Variants in SORCS1 observed in about 807,000 individuals in gnomAD.
SORCS1 encodes the protein VPS10 domain-containing receptor SorCS1.
SORCS1 carries 60 observed loss-of-function variants against 146.1 expected under a neutral mutation model. The observed-to-expected ratio is 0.41, with a 90% CI of 0.33 to 0.51. The LOEUF is 0.51. Among genes scored for constraint, SORCS1 ranks in the 20% least tolerant of loss-of-function variants. SORCS1 has a pLI of 0.21. For missense variants in SORCS1, 1,352 were observed against 1,487.6 expected, an observed-to-expected ratio of 0.91 and a Z score of 1.50; for synonymous variants, 637 against 584.0, an observed-to-expected ratio of 1.09 and a Z score of -1.31.
intron 1 of SORCS1, among the ~76,000 whole-genome samples, chr10:107,066,708 T>A (rs1308365220): frequency 6.6e-6 from 1 of 152,136 alleles, no homozygotes; most frequent in Non-Finnish European, 1.5e-5. Context: ...ATCCTTTTAG[T>A]AAAAACTCAA....
intron 18 of SORCS1, among the ~76,000 whole-genome samples, chr10:106,631,683 G>A (rs1434324167): frequency 6.6e-6 from 1 of 152,202 alleles, no homozygotes; most frequent in East Asian, 1.9e-4. Context: ...CTAAAGGACA[G>A]AGGGGAGATT....
At chr10:107,144,651 C>T (rs890622703) in intron 1 of SORCS1, among the ~76,000 whole-genome samples, 22 of 152,264 alleles carry the variant, frequency 1.4e-4, no homozygotes, top group Admixed American at 5.2e-4. Context: ...ATATTGGGCA[C>T]TCCGTAGTGA....
At chr10:106,690,119 A>T (rs1263873760) in intron 9 of SORCS1, among the ~76,000 whole-genome samples, 1 of 152,182 alleles carries the variant, frequency 6.6e-6, no homozygotes, top group Non-Finnish European at 1.5e-5. Context: ...CTACCTCACA[A>T]CAGCAGTGTG....
chr10:107,032,110 G>A (rs1958681936), intron 1 of SORCS1, among the ~76,000 whole-genome samples: 2 of 152,154 alleles, frequency 1.3e-5, no homozygotes, highest in Admixed American at 6.5e-5. Context: ...GTGGGACTAA[G>A]ACTCTGAAGG....
At chr10:106,639,847 G>A (rs548577062) in intron 18 of SORCS1, among the ~76,000 whole-genome samples, 4 of 152,100 alleles carry the variant, frequency 2.6e-5, no homozygotes, top group South Asian at 2.1e-4. Flanking sequence ...GTGAAACTCC[G>A]TCTCTACTAA....
At chr10:107,055,686 A>T (rs1328621779) in intron 1 of SORCS1, among the ~76,000 whole-genome samples, 1 of 152,210 alleles carries the variant, frequency 6.6e-6, no homozygotes, top group Non-Finnish European at 1.5e-5. Context: ...GGGAGACCCA[A>T]CAGAGGGACA....
intron 23 of SORCS1, 84 bp from the exon 24 acceptor site, chr10:106,597,534 C>T (rs1845978265): frequency 1.2e-5 from 13 of 1,048,116 alleles, no homozygotes; most frequent in Non-Finnish European, 1.9e-5. Flanking sequence ...ACTATTTTCA[C>T]CAAGGTATCA....
intron 9 of SORCS1, among the ~76,000 whole-genome samples, chr10:106,695,550 T>C (rs914850457): frequency 6.6e-6 from 1 of 152,194 alleles, no homozygotes; most frequent in African/African-American, 2.4e-5. Flanking sequence ...AGTTGCTGTA[T>C]TCCCTCTGCC....
chr10:106,988,998 C>T (rs151294639), intron 1 of SORCS1, among the ~76,000 whole-genome samples: 49 of 151,712 alleles, frequency 3.2e-4, no homozygotes, highest in African/African-American at 1.2e-3. Context: ...CGGTGGCTCA[C>T]ACCCGTAATC....
chr10:106,873,309 G>T (rs1020748390), intron 2 of SORCS1, among the ~76,000 whole-genome samples: 34 of 114,340 alleles, frequency 3.0e-4, no homozygotes, highest in Non-Finnish European at 5.8e-4. Flanking sequence ...GCAAAACTCG[G>T]TCTCAAAAAA....
intron 1 of SORCS1, among the ~76,000 whole-genome samples, chr10:107,078,460 G>GT (rs1963065936): frequency 6.6e-6 from 1 of 152,206 alleles, no homozygotes; most frequent in South Asian, 2.1e-4. Context: ...GACTTTGCAT[G>GT]TGAACGCCTT....
At chr10:106,666,554 C>CTTTTTTTTTTTTTTTTTT (rs1423294567) in intron 17 of SORCS1, among the ~76,000 whole-genome samples, 1 of 141,180 alleles carries the variant, frequency 7.1e-6, no homozygotes, top group Non-Finnish European at 1.5e-5. Flanking sequence ...AAATCTCTCT[C>CTTTTTTTTTTTTTTTTTT]TTTTTTTTTT....
intron 1 of SORCS1, among the ~76,000 whole-genome samples, chr10:107,104,418 TCTC>T (rs1001310343): frequency 1.3e-5 from 2 of 152,124 alleles, no homozygotes; most frequent in African/African-American, 4.8e-5. Context: ...TCACCTTCCT[TCTC>T]CTGAAACAGT....
intron 1 of SORCS1, among the ~76,000 whole-genome samples, chr10:107,053,051 T>C (rs189401007): frequency 6.8e-4 from 104 of 152,238 alleles, no homozygotes; most frequent in African/African-American, 2.4e-3. Context: ...CAATGATATA[T>C]CTAACTTTGG....
intron 1 of SORCS1, among the ~76,000 whole-genome samples, chr10:107,086,030 C>T: frequency 6.6e-6 from 1 of 152,196 alleles, no homozygotes; most frequent in East Asian, 1.9e-4. Context: ...AAGCACTTCA[C>T]AGATGCTGTC....
At chr10:106,915,863 CT>C (rs1456943652) in intron 2 of SORCS1, among the ~76,000 whole-genome samples, 24 of 152,274 alleles carry the variant, frequency 1.6e-4, no homozygotes, top group Admixed American at 8.5e-4. Context: ...GAGCCATAAC[CT>C]ATTTTGAAGG....
At chr10:106,937,656 C>T (rs1953811542) in intron 2 of SORCS1, among the ~76,000 whole-genome samples, 1 of 152,118 alleles carries the variant, frequency 6.6e-6, no homozygotes, top group African/African-American at 2.4e-5. Flanking sequence ...TCAGGCATTT[C>T]TTCATAGCAG....
intron 1 of SORCS1, among the ~76,000 whole-genome samples, chr10:107,145,453 G>A (rs1968241289): frequency 6.6e-6 from 1 of 152,142 alleles, no homozygotes. Context: ...CTTGATGGTG[G>A]TCCAAATACT....
At position 106,677,360 on chromosome 10, in the gene SORCS1, T is replaced by C; in HGVS notation, c.1785A>G (p.Gly595=). The stretch of plus-strand genomic sequence containing the variant: ...ATGTGTGTTTCATAGCAACCAGGAC[T>C]CCACCTTGATCCAGGTACAAAACAC... ...EHSVLYLDQG[G]VLVAMKHTSL... is the part of the protein sequence containing the mutation. Residue 595 remains glycine (G), a synonymous_variant, in exon 13 of 26, where the codon GGA becomes GGG. Transcript: ENST00000263054. 1 of 1,613,964 alleles carries C rather than the reference T, an allele frequency of 6.2e-7. No individual in the cohort carries two copies. The highest frequency in any genetic ancestry group is 8.5e-7 in the Non-Finnish European group (1 of 1,179,882).
Sources: gnomAD v4.1 joint callset for allele counts (sites outside exome capture counted in the v4.1 genomes callset) on GRCh38, gnomAD v4.1.1 for gene constraint, MANE v1.5 for transcripts, NCBI Gene and HGNC (gene_info 2026-07-23, HGNC 2026-07-21) for gene names.